The following VDAC1 variants were observed in gnomAD, a reference collection of about 807,000 sequenced individuals.
VDAC1 encodes voltage dependent anion channel 1, also known as non-selective voltage-gated ion channel VDAC1.
VDAC1 carries 10 observed loss-of-function variants against 34.7 expected under a neutral mutation model. The ratio of observed to expected loss-of-function variants is 0.29; its 90% CI spans 0.18 to 0.49. The LOEUF (loss-of-function observed/expected upper bound fraction) is 0.49, where lower values mean the gene tolerates loss of function less well. Among genes scored for constraint, VDAC1 ranks in the 20% least tolerant of loss-of-function variants. The pLI, the probability that VDAC1 is intolerant of heterozygous loss-of-function variation, is 0.99. For missense variants in VDAC1, 230 were observed against 347.9 expected, an observed-to-expected ratio of 0.66 and a Z score of 2.69; for synonymous variants, 130 against 136.0, an observed-to-expected ratio of 0.96 and a Z score of 0.30.
At position 133,972,693 on chromosome 5, in the gene VDAC1, A is replaced by C; in HGVS notation, c.*78T>G. 1 of 1,076,230 alleles carries C rather than the reference A, an allele frequency of 9.3e-7. No homozygotes were observed. The highest frequency in any genetic ancestry group is 1.4e-6 in the Non-Finnish European group (1 of 724,798). The allele number at this position is 1,076,230 out of a possible 1,614,324, so 66.7% of individuals were successfully genotyped here. ...GCAATACTTGCATCCCAGACATACA[A>C]CATTAAAAGATACACTAAATTCTGA... On this transcript the variant is annotated 3_prime_UTR_variant, in exon 9 of 9. Coordinates refer to ENST00000265333, the MANE Select transcript of VDAC1 (RefSeq NM_003374.3).
At chr5:134,061,554 G>C in the VDAC1 span, among the ~76,000 whole-genome samples, 4 of 151,412 alleles carry the variant, frequency 2.6e-5, 1 homozygote, top group Non-Finnish European at 5.9e-5. Context: ...AAATTTTTTT[G>C]TAGAGATGGG....
chr5:134,105,612 T>C, the VDAC1 span, among the ~76,000 whole-genome samples: 51 of 152,354 alleles, frequency 3.3e-4, no homozygotes, highest in South Asian at 1.4e-3. Flanking sequence ...GACCCAGTCA[T>C]GAGCAAGACG....
intron 6 of VDAC1, among the ~76,000 whole-genome samples, chr5:133,980,467 TAATC>T (rs1319316316): frequency 6.6e-6 from 1 of 152,078 alleles, no homozygotes; most frequent in Non-Finnish European, 1.5e-5. Flanking sequence ...CTGCTGTAAT[TAATC>T]AGCCACTTTG....
intron 1 of VDAC1, among the ~76,000 whole-genome samples, chr5:133,994,777 G>A (rs982331577): frequency 6.6e-6 from 1 of 152,162 alleles, no homozygotes; most frequent in Non-Finnish European, 1.5e-5. Flanking sequence ...CAAACCATCA[G>A]TGAACCAAGT....
chr5:134,025,573 C>T, the VDAC1 span, among the ~76,000 whole-genome samples: 6 of 149,104 alleles, frequency 4.0e-5, no homozygotes, highest in African/African-American at 1.5e-4. Flanking sequence ...GTGATGTTTC[C>T]CTCTCTCCCT....
the VDAC1 span, among the ~76,000 whole-genome samples, chr5:134,076,100 C>A: frequency 6.6e-6 from 1 of 152,248 alleles, no homozygotes; most frequent in Non-Finnish European, 1.5e-5. Context: ...CTGCCTCAGC[C>A]TCCCAAGTAT....
the VDAC1 span, among the ~76,000 whole-genome samples, chr5:134,075,244 A>G: frequency 2.0e-5 from 3 of 152,140 alleles, no homozygotes; most frequent in East Asian, 5.8e-4. Flanking sequence ...CACACTATTC[A>G]TGCTATTACT....
the VDAC1 span, among the ~76,000 whole-genome samples, chr5:134,082,892 A>G: frequency 5.9e-5 from 9 of 152,208 alleles, no homozygotes; most frequent in African/African-American, 1.9e-4. Context: ...ATGCAGATTA[A>G]TATTACATCT....
chr5:134,036,560 C>G, the VDAC1 span, among the ~76,000 whole-genome samples: 1 of 151,746 alleles, frequency 6.6e-6, no homozygotes, highest in Non-Finnish European at 1.5e-5. Context: ...CTAGTAAGAT[C>G]TGTAGGGATC....
the VDAC1 span, among the ~76,000 whole-genome samples, chr5:134,095,324 A>T: frequency 1.3e-5 from 2 of 151,734 alleles, no homozygotes; most frequent in East Asian, 3.9e-4. Flanking sequence ...TCTACAAAAA[A>T]TTTTTAAAAT....
the VDAC1 span, among the ~76,000 whole-genome samples, chr5:134,064,020 T>A: frequency 5.2e-5 from 6 of 115,118 alleles, no homozygotes; most frequent in Non-Finnish European, 1.1e-4. Context: ...TTTTTTTTTT[T>A]AGAGACAGGT....
chr5:134,053,949 C>T, the VDAC1 span, among the ~76,000 whole-genome samples: 2 of 152,218 alleles, frequency 1.3e-5, no homozygotes, highest in African/African-American at 2.4e-5. Context: ...CTGTGGGTTA[C>T]AGGCCAGAGG....
rs1403741073 is a variant in VDAC1 at position 133,987,874 on chromosome 5, T to C, written c.323+2981A>G. Among the ~76,000 whole-genome samples, 8 of 152,320 alleles carry C rather than the reference T, an allele frequency of 5.3e-5. No individual in the cohort carries two copies. The East Asian group carries it at 1.5e-3, about 29-fold the overall frequency. ...AAAATGAGGCCTACTGATATATTCT[T>C]CCTAACATCAGGTGCAGAGAAGAAT... On this transcript the variant is annotated intron_variant, in intron 5 of 8. Transcript: ENST00000265333.
intron 7 of VDAC1, among the ~76,000 whole-genome samples, 197 bp from the exon 8 acceptor site, chr5:133,974,045 G>T (rs77732824): frequency 6.6e-6 from 1 of 152,240 alleles, no homozygotes; most frequent in South Asian, 2.1e-4. Context: ...TTCAAAGGGT[G>T]TGCTGAGATC....
the VDAC1 span, among the ~76,000 whole-genome samples, chr5:134,011,899 CA>C: frequency 6.6e-6 from 1 of 152,084 alleles, no homozygotes; most frequent in South Asian, 2.1e-4. Flanking sequence ...TTCAGCCTCC[CA>C]AAGTGCTGGG....
the VDAC1 span, among the ~76,000 whole-genome samples, chr5:134,087,293 G>A: frequency 6.6e-6 from 1 of 151,988 alleles, no homozygotes; most frequent in Non-Finnish European, 1.5e-5. Flanking sequence ...AGGGGAGGCG[G>A]ATTGCTGAGA....
the VDAC1 span, among the ~76,000 whole-genome samples, chr5:134,046,531 G>A: frequency 6.6e-6 from 1 of 152,146 alleles, no homozygotes; most frequent in Admixed American, 6.5e-5. Flanking sequence ...GCCATATAAG[G>A]TAACAACATA....
chr5:134,011,979 G>A, the VDAC1 span, among the ~76,000 whole-genome samples: 3 of 152,074 alleles, frequency 2.0e-5, no homozygotes, highest in Admixed American at 6.6e-5. Flanking sequence ...GTCAGAGTGA[G>A]AGAAGGTGAT....
chr5:134,023,914 C>T, the VDAC1 span, among the ~76,000 whole-genome samples: 2 of 151,686 alleles, frequency 1.3e-5, no homozygotes, highest in Non-Finnish European at 2.9e-5. Flanking sequence ...AGGCAGATCA[C>T]CTGAGGTCAG....
Sources: gnomAD v4.1 joint callset for allele counts (sites outside exome capture counted in the v4.1 genomes callset) on GRCh38, gnomAD v4.1.1 for gene constraint, MANE v1.5 for transcripts, NCBI Gene and HGNC (gene_info 2026-07-23, HGNC 2026-07-21) for gene names.